The following SMG6 variants were observed in gnomAD, a reference collection of about 807,000 sequenced individuals.
SMG6 encodes telomerase-binding protein EST1A.
Under a neutral mutation model 142.2 loss-of-function variants are expected in SMG6, and 66 were observed. The observed-to-expected ratio is 0.46, with a 90% CI of 0.38 to 0.57. The LOEUF (loss-of-function observed/expected upper bound fraction) is 0.57, where lower values mean the gene tolerates loss of function less well. Ranked by LOEUF, SMG6 falls within the 20% of genes least tolerant of loss-of-function variation. The probability of loss-of-function intolerance (pLI) is 0.00; values close to 1 mark genes in which losing one functional copy is unlikely to be tolerated. For synonymous variants in SMG6, 779 were observed against 702.4 expected (o/e 1.11, Z -1.72); for missense variants, 1,793 against 1,832.0 (o/e 0.98, Z 0.39).
At chr17:2,284,422 A>G (rs998781115) in intron 6 of SMG6, among the ~76,000 whole-genome samples, 3 of 152,220 alleles carry the variant, frequency 2.0e-5, no homozygotes, top group African/African-American at 7.2e-5. Context: ...CAGCAAGTCT[A>G]TTTATAAGCA....
chr17:2,271,610 G>C (rs1294913017), intron 8 of SMG6, among the ~76,000 whole-genome samples: 1 of 152,072 alleles, frequency 6.6e-6, no homozygotes, highest in Non-Finnish European at 1.5e-5. Context: ...AGCTACTCAG[G>C]AGGCTGAGGC....
chr17:2,199,892 G>C (rs1012186542), intron 10 of SMG6: 1 of 151,860 alleles, frequency 6.6e-6, no homozygotes, highest in Admixed American at 6.6e-5. Context: ...GGGTAAGAGA[G>C]CACGATTCTG....
At chr17:2,149,116 G>A (rs1025060950) in intron 13 of SMG6, among the ~76,000 whole-genome samples, 13 of 152,100 alleles carry the variant, frequency 8.5e-5, no homozygotes, top group Non-Finnish European at 1.8e-4. Context: ...TTGGGAGGCC[G>A]GGGAGAGTGG....
rs770110170 is a variant in SMG6 at position 2,065,490 on chromosome 17, C to CA, written c.4024_4025insT (p.Ser1342MetfsTer2). On this transcript the variant is annotated frameshift_variant, in exon 17 of 19. Transcript: ENST00000263073. LOFTEE classifies it high-confidence loss of function. ...CACCAGCTGGCCAGTGATGTCCTCACTGCGGAAGGCGATGGATTCGAGTTC... is the reference window on the plus strand; with the variant it reads ...CACCAGCTGGCCAGTGATGTCCTCACATGCGGAAGGCGATGGATTCGAGTTC... 6.2e-7 allele frequency: 1 copy of CA among 1,613,218 alleles called. No individual in the cohort carries two copies. Among genetic ancestry groups the CA allele is most frequent in the East Asian group, 2.2e-5 (1 of 44,890 alleles).
At chr17:2,262,122 T>C (rs1456257938) in intron 8 of SMG6, among the ~76,000 whole-genome samples, 1 of 152,168 alleles carries the variant, frequency 6.6e-6, no homozygotes, top group Non-Finnish European at 1.5e-5. Flanking sequence ...ATTATCACAA[T>C]TCCTCTTTCC....
intron 10 of SMG6, among the ~76,000 whole-genome samples, chr17:2,203,131 C>T (rs2072582240): frequency 6.6e-6 from 1 of 152,180 alleles, no homozygotes; most frequent in Non-Finnish European, 1.5e-5. Flanking sequence ...AATACCCATG[C>T]AGTTTCAGAA....
intron 8 of SMG6, among the ~76,000 whole-genome samples, chr17:2,268,093 C>T (rs529868809): frequency 2.6e-5 from 4 of 152,124 alleles, no homozygotes; most frequent in South Asian, 4.2e-4. Flanking sequence ...TTATTAGAGA[C>T]GGCATCTCAT....
intron 9 of SMG6, among the ~76,000 whole-genome samples, chr17:2,238,056 G>A (rs1366418943): frequency 6.6e-6 from 1 of 152,172 alleles, no homozygotes; most frequent in Non-Finnish European, 1.5e-5. Flanking sequence ...CTAGAGGAAG[G>A]TGCTTCTAGC....
intron 13 of SMG6, among the ~76,000 whole-genome samples, chr17:2,096,260 G>A (rs1264662517): frequency 1.3e-5 from 2 of 152,114 alleles, no homozygotes; most frequent in African/African-American, 4.8e-5. Flanking sequence ...CTGGAGTGCA[G>A]TGGCGCGATC....
At chr17:2,145,816 T>C (rs552572046) in intron 13 of SMG6, among the ~76,000 whole-genome samples, 29 of 151,874 alleles carry the variant, frequency 1.9e-4, no homozygotes, top group Non-Finnish European at 3.5e-4. Context: ...TAGGTGACTG[T>C]TGGTAACTGG....
At chr17:2,247,685 A>T (rs1186471664) in intron 8 of SMG6, among the ~76,000 whole-genome samples, 2 of 152,196 alleles carry the variant, frequency 1.3e-5, no homozygotes, top group African/African-American at 4.8e-5. Flanking sequence ...AGAGAGGCTG[A>T]GGCAGGAAAA....
At chr17:2,144,530 T>C (rs1033094350) in intron 13 of SMG6, among the ~76,000 whole-genome samples, 2 of 150,698 alleles carry the variant, frequency 1.3e-5, no homozygotes, top group African/African-American at 2.4e-5. Context: ...CTTTACAAGG[T>C]AGCTTTTTTG....
intron 13 of SMG6, among the ~76,000 whole-genome samples, chr17:2,107,266 G>A (rs531671578): frequency 6.6e-6 from 1 of 152,100 alleles, no homozygotes; most frequent in Non-Finnish European, 1.5e-5. Flanking sequence ...TAGACCTCTC[G>A]GGAGTTCATG....
At chr17:2,153,174 T>C (rs2070879815) in intron 13 of SMG6, among the ~76,000 whole-genome samples, 1 of 152,242 alleles carries the variant, frequency 6.6e-6, no homozygotes, top group Admixed American at 6.5e-5. Flanking sequence ...TTTGAGACTT[T>C]TTTTTAAAGC....
intron 9 of SMG6, 62 bp downstream of exon 9, chr17:2,244,596 A>C: frequency 1.5e-6 from 2 of 1,354,818 alleles, no homozygotes; most frequent in Non-Finnish European, 2.1e-6. Flanking sequence ...AGTTGCTAAC[A>C]ATATTAAATT....
intron 7 of SMG6, 68 bp from the exon 8 acceptor site, chr17:2,282,927 T>TA (rs1269412724): frequency 5.3e-6 from 8 of 1,508,754 alleles, no homozygotes; most frequent in African/African-American, 2.8e-5. Context: ...TCCCAGCACT[T>TA]AGAGATGCGG....
At chr17:2,106,351 T>C (rs538841764) in intron 13 of SMG6, among the ~76,000 whole-genome samples, 6 of 152,256 alleles carry the variant, frequency 3.9e-5, no homozygotes, top group African/African-American at 1.4e-4. Context: ...TTCAAGCAGA[T>C]AAGCCACCAA....
At chr17:2,202,457 C>G (rs2072558580) in intron 10 of SMG6, among the ~76,000 whole-genome samples, 1 of 151,836 alleles carries the variant, frequency 6.6e-6, no homozygotes, top group Non-Finnish European at 1.5e-5. Flanking sequence ...GAGGCTAAGG[C>G]AGGAAGATCA....
At chr17:2,127,855 G>A in intron 13 of SMG6, 1 of 554,960 alleles carries the variant, frequency 1.8e-6, no homozygotes, top group Admixed American at 1.9e-5. Flanking sequence ...TTGCTGAAGA[G>A]CGATCTCCTG....
Sources: allele counts gnomAD v4.1 joint callset (sites outside exome capture counted in the v4.1 genomes callset), GRCh38; gene constraint gnomAD v4.1.1; transcripts MANE v1.5; gene names NCBI Gene and HGNC (gene_info 2026-07-23, HGNC 2026-07-21).